TULP2: variants seen among roughly 807,000 people sequenced by gnomAD.
TULP2 encodes the protein TUB like protein 2, also known as tubby-related protein 2.
A neutral mutation model predicts 60.3 loss-of-function variants in TULP2; 64 were observed. The ratio of observed to expected loss-of-function variants is 1.06; its 90% CI spans 0.87 to 1.31. The LOEUF (loss-of-function observed/expected upper bound fraction) is 1.31. TULP2 is among the 50% of genes most tolerant of loss of function. TULP2 has a pLI of 0.00. For synonymous variants in TULP2, 267 were observed against 265.4 expected (o/e 1.01, Z -0.06); for missense variants, 652 against 667.0 (o/e 0.98, Z 0.25).
At chr19:48,892,726 C>T (rs1207682291) in intron 6 of TULP2, among the ~76,000 whole-genome samples, 3 of 151,972 alleles carry the variant, frequency 2.0e-5, no homozygotes, top group African/African-American at 4.8e-5. Context: ...CTCCTGACCT[C>T]GTGATCCGCC....
At chr19:48,896,170 A>G (rs1002102691) in intron 4 of TULP2, among the ~76,000 whole-genome samples, 1 of 150,706 alleles carries the variant, frequency 6.6e-6, no homozygotes, top group Non-Finnish European at 1.5e-5. Flanking sequence ...TTCCCCTGCT[A>G]GTTGTACCAT....
intron 6 of TULP2, among the ~76,000 whole-genome samples, chr19:48,890,163 C>T (rs2037219551): frequency 6.6e-6 from 1 of 152,170 alleles, no homozygotes. Flanking sequence ...TGGAATGTCT[C>T]GGTATAAAAC....
intron 1 of TULP2, chr19:48,898,271 A>G (rs2037301208): frequency 6.6e-6 from 1 of 150,780 alleles, no homozygotes; most frequent in African/African-American, 2.5e-5. Context: ...GCCCGGCCTG[A>G]TCCTTACCTT....
intron 6 of TULP2, among the ~76,000 whole-genome samples, chr19:48,892,806 C>A (rs1308702903): frequency 6.6e-6 from 1 of 151,574 alleles, no homozygotes; most frequent in Admixed American, 6.6e-5. Context: ...AACAGTTTTT[C>A]TTAGTACAGA....
chr19:48,896,573 G>T lies in TULP2; in HGVS notation c.85-17C>A, dbSNP rs370981678. ...CAGCCGCCGCTGGGGAGATGGGAGA[G>T]GTGGGTGTCCGGGACAGGAACCAGA... On this transcript the variant is annotated splice_polypyrimidine_tract_variant and intron_variant, in intron 3 of 12. Coordinates refer to ENST00000221399, the MANE Select transcript of TULP2 (RefSeq NM_003323.3). The T allele has an allele frequency of 4.9e-4, 772 of 1,581,932 alleles. No homozygotes were observed. The highest frequency in any genetic ancestry group is 6.4e-4 in the Non-Finnish European group (746 of 1,164,156).
At chr19:48,881,918 C>T (rs2037136337) in intron 12 of TULP2, 114 bp downstream of exon 12, 2 of 1,370,488 alleles carry the variant, frequency 1.5e-6, no homozygotes, top group Non-Finnish European at 2.0e-6. Context: ...AATAGGGTGG[C>T]ATCTGCCCTG....
intron 12 of TULP2, among the ~76,000 whole-genome samples, chr19:48,881,628 C>T (rs1051020558): frequency 1.3e-5 from 2 of 151,686 alleles, no homozygotes; most frequent in African/African-American, 2.4e-5. Context: ...CGTATCCGCC[C>T]GCCTCGGCCT....
rs574069362 is a variant in TULP2, at chr19:48,898,096, C to T, written c.-1-227G>A. Among the ~76,000 whole-genome samples, 353 of 152,024 alleles carry T rather than the reference C, an allele frequency of 2.3e-3. 1 individual carries two copies. The highest frequency in any genetic ancestry group is 4.1e-3 in the African/African-American group (172 of 41,452). On this transcript the variant is annotated intron_variant, in intron 1 of 12. Coordinates refer to ENST00000221399, the MANE Select transcript of TULP2 (RefSeq NM_003323.3). The stretch of plus-strand genomic sequence containing the variant: ...AAGCGATTCTCCTGCCTCAGCCTCC[C>T]GAGTAGCTGGGACTACAGGCGTCCG...
intron 4 of TULP2, among the ~76,000 whole-genome samples, chr19:48,896,060 A>AC (rs1195534587): frequency 6.6e-6 from 1 of 151,154 alleles, no homozygotes; most frequent in Non-Finnish European, 1.5e-5. Context: ...GGACCCCTAG[A>AC]CCCCGTCTCC....
In TULP2 at chr19:48,897,031, A is replaced by G. The variant is rs951960578; in HGVS notation, c.84+314T>C. 6.6e-6 allele frequency among the ~76,000 whole-genome samples: 1 copy of G among 151,928 alleles called. No individual in the cohort carries two copies. Among genetic ancestry groups the G allele is most frequent in the Admixed American group, 6.6e-5 (1 of 15,242 alleles). On this transcript the variant is annotated intron_variant, in intron 3 of 12. Transcript: ENST00000221399. This position sits in a 1 kb window ranked among gnomAD's most constrained non-coding sequence, Gnocchi z 4.0. Reference sequence around the variant, plus strand: ...CAGCCTCCCGAGTAGCTGGGATTACAGGCGCCTGCCACCACACCTGGCTAA... The same window carrying G: ...CAGCCTCCCGAGTAGCTGGGATTACGGGCGCCTGCCACCACACCTGGCTAA...
intron 8 of TULP2, among the ~76,000 whole-genome samples, chr19:48,887,638 A>C (rs2037193975): frequency 6.6e-6 from 1 of 151,260 alleles, no homozygotes; most frequent in South Asian, 2.1e-4. Context: ...GCTCACTGCA[A>C]CCTCCGCTTC....
chr19:48,887,968 C>T lies in TULP2; in HGVS notation c.930G>A (p.Glu310=), dbSNP rs2037196976. The T allele has an allele frequency of 1.2e-6, 2 of 1,611,152 alleles. No homozygotes were observed. The highest frequency in any genetic ancestry group is 1.3e-5 in the African/African-American group (1 of 74,996). Residue 310 remains glutamate (E), a synonymous_variant, in exon 8 of 13, where the codon GAG becomes GAA. Transcript: ENST00000221399. ...GLFPLYYLYL[E]TSDSLQRFLL... ...ACTGCACCTGCAGGCTGTCAGAGGT[C>T]TCCAGGTAGAGGTAGTAGAGGGGGA...
intron 8 of TULP2, 33 bp from the exon 9 acceptor site, chr19:48,885,593 A>T: frequency 6.3e-7 from 1 of 1,597,404 alleles, no homozygotes; most frequent in East Asian, 2.2e-5. Flanking sequence ...ATTAGAATGG[A>T]CTTCTGGATG....
intron 9 of TULP2, 57 bp downstream of exon 9, chr19:48,885,391 C>T: frequency 6.9e-7 from 1 of 1,439,868 alleles, no homozygotes; most frequent in Admixed American, 1.7e-5. Flanking sequence ...AATGGAGTCC[C>T]CCTGTCCCTA....
rs747424197 is a variant in TULP2, at chr19:48,895,057, G to T, written c.455C>A (p.Pro152Gln). 3 of 1,614,030 alleles carry T rather than the reference G, an allele frequency of 1.9e-6. No individual in the cohort carries two copies. Among genetic ancestry groups the T allele is most frequent in the South Asian group, 1.1e-5 (1 of 91,092 alleles). The change falls in exon 6 of 13, where the codon CCA becomes CAA. Residue 152 changes from proline to glutamine, a missense_variant. Coordinates refer to ENST00000221399, the MANE Select transcript of TULP2 (RefSeq NM_003323.3). ...VSVENGSVSP[P>Q]PFKQSPRIRR... ...GATTCTCGGAGACTGTTTAAAAGGT[G>T]GGGGAGAGACGGAACCATTCTCCAC...
chr19:48,885,517 G>A lies in TULP2; in HGVS notation c.992C>T (p.Ser331Phe), dbSNP rs949341457. ...AGRKRRRSKT[S>F]NYLISLDPTH... ...AGGATCCAGGGAGATGAGGTAATTA[G>A]AAGTTTTGCTCCTTCTTCTCTTTCG... Residue 331 changes from serine to phenylalanine, a missense_variant, in exon 9 of 13, where the codon TCT (serine) becomes TTT (phenylalanine). Physicochemically the swap from Ser to Phe is radical, Grantham distance 155. Transcript: ENST00000221399. 1 of 1,613,994 alleles carries A rather than the reference G, an allele frequency of 6.2e-7. No individual in the cohort carries two copies. Among genetic ancestry groups the A allele is most frequent in the Admixed American group, 1.7e-5 (1 of 59,994 alleles).
In TULP2 at chr19:48,897,977, T is replaced by TTATTTATTTATG. The variant is rs1178548675; in HGVS notation, c.-1-109_-1-108insCATAAATAAATA. The TTATTTATTTATG allele has an allele frequency of 3.5e-6, 3 of 867,266 alleles. No individual in the cohort carries two copies. Among genetic ancestry groups the TTATTTATTTATG allele is most frequent in the East Asian group, 3.7e-5 (1 of 27,026 alleles). The allele number at this position is 867,266 out of a possible 1,614,324, so 53.7% of individuals were successfully genotyped here. A position where few individuals can be genotyped will look rare whatever the true frequency, so the allele number is the denominator to read the frequency against. Reference sequence around the variant, plus strand: ...TTTATTTATTTATTTATTTATTTATTTATGTATTTAGAGACAGCTGAGCCT... The same window carrying TTATTTATTTATG: ...TTTATTTATTTATTTATTTATTTATTTATTTATTTATGTATGTATTTAGAGACAGCTGAGCCT... On this transcript the variant is annotated intron_variant, in intron 1 of 12. Coordinates refer to ENST00000221399, the MANE Select transcript of TULP2 (RefSeq NM_003323.3). The surrounding 1 kb of genome is among the most constrained non-coding windows in gnomAD (Gnocchi z 4.0).
chr19:48,883,841 G>A lies in TULP2; in HGVS notation c.1188C>T (p.Val396=), dbSNP rs770814832. The change falls in exon 11 of 13, where the codon GTC becomes GTT. Residue 396 remains valine (V), a synonymous_variant. Coordinates refer to ENST00000221399, the MANE Select transcript of TULP2 (RefSeq NM_003323.3). The part of the protein sequence containing the change: ...ELGAVCYEPN[V]LGYLGPRKMT... ...TTTTCCGAGGCCCCAGGTATCCTAAGACGTTGGGCTCCTGGGGGTATTACA... is the reference window on the plus strand; with the variant it reads ...TTTTCCGAGGCCCCAGGTATCCTAAAACGTTGGGCTCCTGGGGGTATTACA... 5.6e-6 allele frequency: 9 copies of A among 1,614,108 alleles called. No homozygotes were observed. The highest frequency in any genetic ancestry group is 1.1e-5 in the South Asian group (1 of 91,084).
intron 12 of TULP2, 75 bp from the exon 13 acceptor site, chr19:48,881,201 TTTTTTTTTTC>T (rs1373729796): frequency 5.5e-6 from 3 of 545,802 alleles, no homozygotes; most frequent in African/African-American, 8.5e-5. Context: ...GACTTTTTTT[TTTTTTTTTTC>T]TTTTTTTTTT....
Sources: gnomAD v4.1 joint callset for allele counts (sites outside exome capture counted in the v4.1 genomes callset) on GRCh38, gnomAD v4.1.1 for gene constraint, Gnocchi (gnomAD v3.1) non-coding constraint, MANE v1.5 for transcripts, NCBI Gene and HGNC (gene_info 2026-07-23, HGNC 2026-07-21) for gene names.